The following AKT3 variants were observed in gnomAD, a reference collection of about 807,000 sequenced individuals.
The protein encoded by AKT3 is RAC-gamma serine/threonine-protein kinase.
A neutral mutation model predicts 65.3 loss-of-function variants in AKT3; 15 were observed. That is an observed-to-expected ratio of 0.23 (90% confidence interval 0.15 to 0.35). The LOEUF (loss-of-function observed/expected upper bound fraction) is 0.35. Ranked by LOEUF, AKT3 falls within the 10% of genes least tolerant of loss-of-function variation. The pLI is 1.00. For synonymous variants in AKT3, 206 were observed against 183.8 expected, an observed-to-expected ratio of 1.12 and a Z score of -0.98; for missense variants, 243 against 576.5, an observed-to-expected ratio of 0.42 and a Z score of 5.92.
downstream of AKT3, among the ~76,000 whole-genome samples, chr1:243,495,696 C>T (rs1667668577): frequency 6.6e-6 from 1 of 152,164 alleles, no homozygotes; most frequent in South Asian, 2.1e-4. Flanking sequence ...TCCCTTCTGA[C>T]AGGTGGGCGG....
intron 8 of AKT3, among the ~76,000 whole-genome samples, chr1:243,603,934 T>C (rs1399814712): frequency 1.3e-5 from 2 of 151,504 alleles, no homozygotes; most frequent in Admixed American, 6.6e-5. Context: ...TTGCTCTTGT[T>C]GCCCAGGCTG....
At chr1:243,583,195 T>C (rs61833182) in intron 8 of AKT3, among the ~76,000 whole-genome samples, 9,397 of 88,046 alleles carry the variant, frequency 0.11, 558 homozygotes, top group Non-Finnish European at 0.13. Context: ...TATATATATA[T>C]ACACACACAC....
intron 4 of AKT3, among the ~76,000 whole-genome samples, chr1:243,657,248 T>C (rs1012039708): frequency 2.0e-5 from 3 of 152,124 alleles, no homozygotes; most frequent in Non-Finnish European, 4.4e-5. Flanking sequence ...AAGAGGGCCC[T>C]CTCTAGACAC....
At chr1:243,652,459 G>C (rs985898611) in intron 4 of AKT3, among the ~76,000 whole-genome samples, 1 of 152,014 alleles carries the variant, frequency 6.6e-6, no homozygotes, top group Admixed American at 6.6e-5. Flanking sequence ...CACTAAACAC[G>C]CAAAGGAACA....
intron 2 of AKT3, chr1:243,814,590 C>T (rs988630494): frequency 2.6e-5 from 4 of 152,130 alleles, no homozygotes; most frequent in African/African-American, 4.8e-5. Context: ...AATTCATGAC[C>T]TTTGGAATCA....
rs148915586 is a variant in AKT3, at chr1:243,649,070, C to T, written c.285-3033G>A. On this transcript the variant is annotated intron_variant, in intron 4 of 13. Coordinates refer to ENST00000673466, the MANE Select transcript of AKT3 (RefSeq NM_005465.7). ...TTCTAAGCATTCATTTAGCTACACC[C>T]CACAAATTTTGATATGTATTATTTT... Among the ~76,000 whole-genome samples, 213 of 152,004 alleles carry T rather than the reference C, an allele frequency of 1.4e-3. 1 individual carries two copies. The highest frequency in any genetic ancestry group is 5.0e-3 in the African/African-American group (206 of 41,486).
intron 2 of AKT3, among the ~76,000 whole-genome samples, chr1:243,767,065 AAAG>A (rs1224952643): frequency 6.6e-6 from 1 of 152,194 alleles, no homozygotes; most frequent in Non-Finnish European, 1.5e-5. Context: ...ACTGATACAC[AAAG>A]AAGATTTGTA....
intron 13 of AKT3, among the ~76,000 whole-genome samples, chr1:243,510,200 G>A (rs191191557): frequency 6.6e-6 from 1 of 152,268 alleles, no homozygotes. Context: ...GATATTCAGA[G>A]GGGAGGCAAG....
chr1:243,492,974 G>A (rs1045612618), intron 13 of AKT3, among the ~76,000 whole-genome samples: 12 of 152,054 alleles, frequency 7.9e-5, no homozygotes, highest in Non-Finnish European at 1.6e-4. Flanking sequence ...ACCTGGGTTC[G>A]GAAACAACTT....
chr1:243,519,047 T>G (rs1417410401), intron 12 of AKT3, among the ~76,000 whole-genome samples: 1 of 152,166 alleles, frequency 6.6e-6, no homozygotes, highest in African/African-American at 2.4e-5. Flanking sequence ...AGTCTAAAAA[T>G]GGATAACTTA....
intron 1 of AKT3, chr1:243,843,504 G>GC: frequency 9.2e-7 from 1 of 1,081,886 alleles, no homozygotes; most frequent in Non-Finnish European, 1.1e-6. Context: ...AACCTAAGAG[G>GC]TTGCAACAAA....
intron 2 of AKT3, among the ~76,000 whole-genome samples, chr1:243,702,618 A>C (rs1685539483): frequency 6.6e-6 from 1 of 152,208 alleles, no homozygotes. Context: ...CACACATTAA[A>C]TGTTCTACTA....
chr1:243,704,648 G>A (rs187322399), intron 2 of AKT3, among the ~76,000 whole-genome samples: 4 of 152,182 alleles, frequency 2.6e-5, no homozygotes, highest in East Asian at 1.9e-4. Flanking sequence ...AGGATTCTTC[G>A]ATTTGCTGCT....
At chr1:243,849,307 G>C (rs974443883) in intron 1 of AKT3, among the ~76,000 whole-genome samples, 1 of 151,976 alleles carries the variant, frequency 6.6e-6, no homozygotes. Flanking sequence ...TCTATTCTTA[G>C]CACACAACTC....
At chr1:243,510,453 A>G (rs1316242291) in intron 13 of AKT3, among the ~76,000 whole-genome samples, 1 of 152,204 alleles carries the variant, frequency 6.6e-6, no homozygotes, top group South Asian at 2.1e-4. Flanking sequence ...CAGAGAATGA[A>G]GAGAGAGAGG....
Position 243,703,109 on chromosome 1 carries a change from A to G in AKT3, c.47-7393T>C, listed in dbSNP as rs540605256. ...AATCTATTTAATTTCATCATTCACA[A>G]TGTAGTAAATATTTAGTTGCCTGTT... On this transcript the variant is annotated intron_variant, in intron 2 of 13. Transcript: ENST00000673466. 26 of 152,348 alleles carry G rather than the reference A, an allele frequency of 1.7e-4. No homozygotes were observed. In the South Asian group the frequency reaches 4.6e-3, roughly 27 times the overall value. The allele number at this position is 152,348 out of a possible 1,614,324, so 9.4% of individuals were successfully genotyped here.
intron 10 of AKT3, among the ~76,000 whole-genome samples, chr1:243,560,600 A>T (rs1241238596): frequency 6.6e-6 from 1 of 152,170 alleles, no homozygotes; most frequent in Admixed American, 6.6e-5. Flanking sequence ...GTATCCACCA[A>T]GGATGGGTAT....
In AKT3 at chr1:243,787,926, C is replaced by T. The variant is rs1572349450; in HGVS notation, c.46+55199G>A. On this transcript the variant is annotated intron_variant, in intron 2 of 13. Transcript: ENST00000673466. ...CACTCTCTTCCCCACCTCCATTCCC[C>T]TCAGATCCCACCACAGAAGTTTCAT... Among the ~76,000 whole-genome samples, 3 of 152,272 alleles carry T rather than the reference C, an allele frequency of 2.0e-5. No individual in the cohort carries two copies. The East Asian group carries it at 5.8e-4, about 29-fold the overall frequency.
chr1:243,814,136 T>G (rs1693365971), intron 2 of AKT3, among the ~76,000 whole-genome samples: 1 of 152,190 alleles, frequency 6.6e-6, no homozygotes, highest in African/African-American at 2.4e-5. Context: ...TGACAAAATG[T>G]TAAGGATATT....
Sources: allele counts gnomAD v4.1 joint callset (sites outside exome capture counted in the v4.1 genomes callset), GRCh38; gene constraint gnomAD v4.1.1; transcripts MANE v1.5; gene names NCBI Gene and HGNC (gene_info 2026-07-23, HGNC 2026-07-21).